The following EFCAB3 variants were observed in gnomAD, a reference collection of about 807,000 sequenced individuals.
EFCAB3 encodes EF-hand calcium binding domain 3, also known as EF-hand calcium-binding domain-containing protein 3.
Under a neutral mutation model 42.2 loss-of-function variants are expected in EFCAB3, and 36 were observed. The ratio of observed to expected loss-of-function variants is 0.85; its 90% CI spans 0.65 to 1.13. The LOEUF is 1.13. EFCAB3 is among the 50% of genes most tolerant of loss of function. The pLI is 0.00. For synonymous variants in EFCAB3, 170 were observed against 172.8 expected, an observed-to-expected ratio of 0.98 and a Z score of 0.13; for missense variants, 418 against 505.1, an observed-to-expected ratio of 0.83 and a Z score of 1.65.
At chr17:62,397,481 A>G in intron 6 of EFCAB3, 1 of 562,418 alleles carries the variant, frequency 1.8e-6, no homozygotes, top group Non-Finnish European at 3.5e-6. Flanking sequence ...ACAGTACAAG[A>G]AAGCCCATTT....
upstream of EFCAB3, among the ~76,000 whole-genome samples, chr17:62,379,617 A>T (rs960346767): frequency 5.3e-5 from 8 of 152,178 alleles, no homozygotes; most frequent in African/African-American, 1.9e-4. Context: ...CCCCCTGAGC[A>T]GGAATAGGAA....
chr17:62,406,690 C>A lies in EFCAB3; in HGVS notation c.682+17C>A. ...AGCTCAAGAGTAAGAGCCATTTGTTCTCTCTCTACTGTTGTAAAGGATTTA... is the reference window on the plus strand; with the variant it reads ...AGCTCAAGAGTAAGAGCCATTTGTTATCTCTCTACTGTTGTAAAGGATTTA... On this transcript the variant is annotated intron_variant, in intron 7 of 9. Transcript: ENST00000305286. 1.9e-6 allele frequency: 3 copies of A among 1,612,528 alleles called. No homozygotes were observed. The highest frequency in any genetic ancestry group is 3.3e-4 in the Middle Eastern group (2 of 6,056).
At chr17:62,384,681 G>A (rs2144064138) in intron 2 of EFCAB3, among the ~76,000 whole-genome samples, 1 of 152,290 alleles carries the variant, frequency 6.6e-6, no homozygotes, top group South Asian at 2.1e-4. Flanking sequence ...TGAGAACATA[G>A]TATTTCTCCA....
At chr17:62,383,074 G>A (rs199816052) in intron 2 of EFCAB3, 21 bp downstream of exon 2, 2 of 1,572,542 alleles carry the variant, frequency 1.3e-6, no homozygotes, top group Non-Finnish European at 1.7e-6. Flanking sequence ...AATGATTAAG[G>A]GTGATAAATG....
upstream of EFCAB3, among the ~76,000 whole-genome samples, chr17:62,376,403 C>T (rs1312706424): frequency 6.6e-6 from 1 of 151,994 alleles, no homozygotes; most frequent in East Asian, 1.9e-4. Flanking sequence ...GGCAGAGGTT[C>T]CAGTGAGCCG....
At chr17:62,385,874 C>T (rs2070245246) in intron 2 of EFCAB3, among the ~76,000 whole-genome samples, 1 of 149,780 alleles carries the variant, frequency 6.7e-6, no homozygotes, top group African/African-American at 2.5e-5. Context: ...CGCCCGCCAC[C>T]ATGCCCGGCT....
At position 62,413,784 on chromosome 17, in the gene EFCAB3, T is replaced by G; in HGVS notation, c.920T>G (p.Phe307Cys). The G allele has an allele frequency of 6.2e-7, 1 of 1,613,878 alleles. No individual in the cohort carries two copies. The highest frequency in any genetic ancestry group is 8.5e-7 in the Non-Finnish European group (1 of 1,179,824). Residue 307 changes from phenylalanine (F) to cysteine (C), a missense_variant, in exon 9 of 10, where the codon TTC (phenylalanine) becomes TGC (cysteine). By Grantham distance (205) the Phe-to-Cys change is radical. Coordinates refer to ENST00000305286, the MANE Select transcript of EFCAB3 (RefSeq NM_173503.4). ...GCCTCAGGTTATTCAAATAACATCT[T>G]CACCATTGATCAAATGCTCAAGAAA... Reference protein sequence around the residue: ...DPASGYSNNIFTIDQMLKKKQ... With the variant: ...DPASGYSNNICTIDQMLKKKQ...
rs557522285 is a variant in EFCAB3, at chr17:62,385,611, C to G, written c.75-1729C>G. 2.1e-4 allele frequency among the ~76,000 whole-genome samples: 32 copies of G among 151,974 alleles called. 1 individual carries two copies. Among genetic ancestry groups the G allele is most frequent in the African/African-American group, 6.0e-4 (25 of 41,428 alleles). On this transcript the variant is annotated intron_variant, in intron 2 of 9. Coordinates refer to ENST00000305286, the MANE Select transcript of EFCAB3 (RefSeq NM_173503.4). ...TCACCTCCTTTTCTCCCAGGCCCCT[C>G]TTTGAAAATGAGTTGAATCTAATAA...
At position 62,407,049 on chromosome 17, in the gene EFCAB3, G is replaced by GAAT. The variant is rs2144107362; in HGVS notation, c.704_705insAAT (p.Ser235delinsArgIle). The GAAT allele has an allele frequency of 6.3e-7, 1 of 1,591,888 alleles. No homozygotes were observed. The highest frequency in any genetic ancestry group is 1.2e-5 in the South Asian group (1 of 86,010). On this transcript the variant is annotated protein_altering_variant, in exon 8 of 10. Transcript: ENST00000305286. ...TTAGGATGCAATTCCGGTTCAGATA[G>GAAT]CCCATATTCAAAAATACCCATCTTT... is the stretch of plus-strand genomic sequence containing the variant.
chr17:62,411,264 C>T (rs1167081500), intron 8 of EFCAB3, among the ~76,000 whole-genome samples: 1 of 152,040 alleles, frequency 6.6e-6, no homozygotes, highest in Non-Finnish European at 1.5e-5. Context: ...TTTGATATAG[C>T]AGATCTTTAA....
intron 8 of EFCAB3, among the ~76,000 whole-genome samples, chr17:62,410,376 A>G (rs1473840942): frequency 1.3e-5 from 2 of 151,978 alleles, no homozygotes; most frequent in Non-Finnish European, 2.9e-5. Flanking sequence ...AAAAGAAAGA[A>G]ATGGTACTTT....
rs2070132067 is a variant in EFCAB3, at chr17:62,373,937, T to G, written c.88+70T>G. On this transcript the variant is annotated intron_variant, in intron 2 of 11. Transcript: ENST00000450662. ...TATATGTGTATTTTTATCTGTGTTT[T>G]CTTGGTTATAAAAGTAATATATGTT... The G allele has an allele frequency of 4.8e-6, 4 of 836,694 alleles. No individual in the cohort carries two copies. In the East Asian group the frequency reaches 1.2e-4, roughly 24 times the overall value. The allele number at this position is 836,694 out of a possible 1,614,324, so 51.8% of individuals were successfully genotyped here.
At chr17:62,371,238 A>G (rs1401414673) in intron 1 of EFCAB3, among the ~76,000 whole-genome samples, 1 of 152,070 alleles carries the variant, frequency 6.6e-6, no homozygotes, top group Non-Finnish European at 1.5e-5. Flanking sequence ...TAAAAGATGA[A>G]AAAAAGACAT....
chr17:62,410,285 G>A (rs2070483790), intron 8 of EFCAB3, among the ~76,000 whole-genome samples: 1 of 152,186 alleles, frequency 6.6e-6, no homozygotes. Context: ...ACTTTGGGAG[G>A]CTGAGGTGGC....
intron 1 of EFCAB3, among the ~76,000 whole-genome samples, chr17:62,372,443 A>T (rs2070120803): frequency 6.6e-6 from 1 of 151,834 alleles, no homozygotes; most frequent in South Asian, 2.1e-4. Flanking sequence ...CACCATGCCC[A>T]GCTGATTTTT....
intron 9 of EFCAB3, among the ~76,000 whole-genome samples, chr17:62,415,557 C>T (rs1411577773): frequency 1.3e-5 from 2 of 152,080 alleles, no homozygotes; most frequent in Non-Finnish European, 2.9e-5. Flanking sequence ...TATTTACTGC[C>T]TTGGGGTCTC....
intron 3 of EFCAB3, among the ~76,000 whole-genome samples, chr17:62,387,649 G>A (rs760611794): frequency 2.0e-5 from 3 of 151,834 alleles, no homozygotes; most frequent in Non-Finnish European, 4.4e-5. Context: ...AGAACTTGTG[G>A]GTATGGAAAA....
At chr17:62,412,765 C>CAGA (rs2070510446) in intron 8 of EFCAB3, among the ~76,000 whole-genome samples, 1 of 140,426 alleles carries the variant, frequency 7.1e-6, no homozygotes, top group African/African-American at 2.6e-5. Flanking sequence ...GACTCTGTCT[C>CAGA]AAAAAAAAAA....
chr17:62,389,632 C>T (rs1478376840), intron 3 of EFCAB3, among the ~76,000 whole-genome samples: 4 of 152,094 alleles, frequency 2.6e-5, no homozygotes, highest in Non-Finnish European at 4.4e-5. Flanking sequence ...TTAGAATTTC[C>T]GTAGACCCTC....
Sources: gnomAD v4.1 joint callset for allele counts (sites outside exome capture counted in the v4.1 genomes callset) on GRCh38, gnomAD v4.1.1 for gene constraint, MANE v1.5 for transcripts, NCBI Gene and HGNC (gene_info 2026-07-23, HGNC 2026-07-21) for gene names.